HNRNPM: variants seen among roughly 807,000 people sequenced by gnomAD.
HNRNPM encodes CEA receptor.
HNRNPM carries 11 observed loss-of-function variants against 73.1 expected under a neutral mutation model. That is an observed-to-expected ratio of 0.15 (90% CI 0.09 to 0.25). The LOEUF is 0.25. Ranked by LOEUF, HNRNPM falls within the 10% of genes least tolerant of loss-of-function variation. HNRNPM has a pLI of 1.00. For missense variants in HNRNPM, 789 were observed against 1,067.9 expected (o/e 0.74, Z 3.64); for synonymous variants, 407 against 355.2 (o/e 1.15, Z -1.64).
At chr19:8,475,390 T>C (rs1178128072) in intron 12 of HNRNPM, among the ~76,000 whole-genome samples, 1 of 152,272 alleles carries the variant, frequency 6.6e-6, no homozygotes. Context: ...GGAAAGCTGC[T>C]GCTTTTTTAC....
chr19:8,455,694 C>A (rs1968956589), intron 2 of HNRNPM, 120 bp downstream of exon 2: 1 of 671,220 alleles, frequency 1.5e-6, no homozygotes, highest in Non-Finnish European at 2.5e-6. Context: ...TCTTTCCAGG[C>A]TTAAGAGTGA....
At chr19:8,487,588 G>T (rs1599865781) in intron 15 of HNRNPM, 2 of 157,692 alleles carry the variant, frequency 1.3e-5, no homozygotes, top group East Asian at 1.9e-4. Context: ...TCTGTCTGTG[G>T]CTGAAAGCAA....
chr19:8,470,561 C>CA (rs1970059902), intron 9 of HNRNPM, among the ~76,000 whole-genome samples: 1 of 152,128 alleles, frequency 6.6e-6, no homozygotes, highest in Admixed American at 6.5e-5. Flanking sequence ...CTCCTGACCT[C>CA]ACGTGATCCA....
rs764702594 is a variant in HNRNPM, at chr19:8,486,363, T to A, written c.1935T>A (p.Ala645=). The A allele has an allele frequency of 5.0e-6, 8 of 1,585,738 alleles. No individual in the cohort carries two copies. Among genetic ancestry groups the A allele is most frequent in the Non-Finnish European group, 6.0e-6 (7 of 1,172,720 alleles). ...CCTTTGGTGGAGCTGGAGGCCATGC[T>A]CCTGGGGTGGCCAGGAAGGCCTGCC... ...AGSFGGAGGH[A]PGVARKACQI... The change falls in exon 14 of 16, where the codon GCT becomes GCA. Residue 645 remains alanine (A), a synonymous_variant. Coordinates refer to ENST00000325495, the MANE Select transcript of HNRNPM (RefSeq NM_005968.5).
At chr19:8,448,866 C>G (rs1470986527) in intron 1 of HNRNPM, among the ~76,000 whole-genome samples, 9 of 152,060 alleles carry the variant, frequency 5.9e-5, no homozygotes, top group Middle Eastern at 3.4e-3. Flanking sequence ...AGGGTAGATT[C>G]CTGAGGAGGT....
At chr19:8,485,234 A>G (rs1971193251) in intron 13 of HNRNPM, among the ~76,000 whole-genome samples, 1 of 151,968 alleles carries the variant, frequency 6.6e-6, no homozygotes, top group African/African-American at 2.4e-5. Context: ...GGGGGTGTCC[A>G]TGCCTCCCCC....
intron 1 of HNRNPM, among the ~76,000 whole-genome samples, chr19:8,452,654 T>C (rs927659215): frequency 6.6e-5 from 10 of 152,220 alleles, no homozygotes; most frequent in African/African-American, 2.4e-4. Context: ...TGCCAGCCCG[T>C]GGGAAGGGAA....
chr19:8,455,483 T>C lies in HNRNPM; in HGVS notation c.192T>C (p.Tyr64=). ...GAGGAGGCAATCGCTTTGAGCCATA[T>C]GCCAATCCAACTAAAAGATACAGAG... ...IKRGGNRFEP[Y]ANPTKRYRAF... is the part of the protein sequence containing the mutation. The change falls in exon 2 of 16, where the codon TAT becomes TAC. Residue 64 remains tyrosine (Y), a synonymous_variant. Transcript: ENST00000325495. 1 of 1,613,950 alleles carries C rather than the reference T, an allele frequency of 6.2e-7. No homozygotes were observed. The highest frequency in any genetic ancestry group is 8.5e-7 in the Non-Finnish European group (1 of 1,179,828).
Position 8,463,651 on chromosome 19 carries a change from C to T in HNRNPM, c.403C>T (p.His135Tyr), listed in dbSNP as rs1273536324. ...MKKAAEVLNK[H>Y]SLSGRPLKVK... is the part of the protein sequence containing the mutation. ...AAAAGCTGCGGAAGTCCTAAACAAGCATAGTCTGAGCGGAAGACCACTGAA... is the reference window on the plus strand; with the variant it reads ...AAAAGCTGCGGAAGTCCTAAACAAGTATAGTCTGAGCGGAAGACCACTGAA... Residue 135 changes from histidine (H) to tyrosine (Y), a missense_variant, in exon 5 of 16, where the codon CAT (histidine) becomes TAT (tyrosine). Coordinates refer to ENST00000325495, the MANE Select transcript of HNRNPM (RefSeq NM_005968.5). 6.2e-7 allele frequency: 1 copy of T among 1,613,542 alleles called. No individual in the cohort carries two copies. The highest frequency in any genetic ancestry group is 8.5e-7 in the Non-Finnish European group (1 of 1,179,556).
At chr19:8,475,603 T>C (rs192778459) in intron 12 of HNRNPM, among the ~76,000 whole-genome samples, 1 of 152,292 alleles carries the variant, frequency 6.6e-6, no homozygotes, top group Admixed American at 6.5e-5. Flanking sequence ...TCTTCATGGG[T>C]GCCTTGTTCT....
chr19:8,452,626 C>T (rs1408984207), intron 1 of HNRNPM, among the ~76,000 whole-genome samples: 1 of 152,124 alleles, frequency 6.6e-6, no homozygotes, highest in African/African-American at 2.4e-5. Flanking sequence ...ATTGGAGCTG[C>T]CATAACATCA....
rs779025522 is a variant in HNRNPM at position 8,486,330 on chromosome 19, C to T, written c.1902C>T (p.Phe634=). 53 of 1,599,466 alleles carry T rather than the reference C, an allele frequency of 3.3e-5. No individual in the cohort carries two copies. In the Admixed American group the frequency reaches 3.5e-4, roughly 11 times the overall value. ...AGCGTGGCAACTTCGGAGGAAGCTT[C>T]GCAGGTTCCTTTGGTGGAGCTGGAG... ...EMERGNFGGS[F]AGSFGGAGGH... The change falls in exon 14 of 16, where the codon TTC becomes TTT. Residue 634 remains phenylalanine, a synonymous_variant. Transcript: ENST00000325495.
At chr19:8,465,618 T>A in intron 6 of HNRNPM, 103 bp downstream of exon 6, 1 of 834,764 alleles carries the variant, frequency 1.2e-6, no homozygotes, top group Non-Finnish European at 1.8e-6. Flanking sequence ...AAGAAAAATG[T>A]AAAGAAGGGT....
In HNRNPM at chr19:8,467,599, T is replaced by C; in HGVS notation, c.834+15T>C. ...ACGTCAAGATGGTAAGTCAGTAGGA[T>C]CTTTCTCTGTGATATACTCAAGTCT... On this transcript the variant is annotated intron_variant, in intron 8 of 15. Transcript: ENST00000325495. 1 of 1,589,378 alleles carries C rather than the reference T, an allele frequency of 6.3e-7. No individual in the cohort carries two copies. The highest frequency in any genetic ancestry group is 8.6e-7 in the Non-Finnish European group (1 of 1,157,364).
Position 8,466,069 on chromosome 19 carries a change from A to G in HNRNPM, c.631-166A>G, listed in dbSNP as rs1436535007. 9.9e-5 allele frequency among the ~76,000 whole-genome samples: 15 copies of G among 152,238 alleles called. 1 individual carries two copies. On this transcript the variant is annotated intron_variant, in intron 6 of 15. Coordinates refer to ENST00000325495, the MANE Select transcript of HNRNPM (RefSeq NM_005968.5). ...GTACAGTTTATTTACAGTGAAGGCC[A>G]GGCTTTATAATCCTATTTTAAAATT...
At position 8,462,680 on chromosome 19, in the gene HNRNPM, T is replaced by C; in HGVS notation, c.336+99T>C. The C allele has an allele frequency of 2.0e-6, 2 of 1,008,434 alleles. No homozygotes were observed. Among genetic ancestry groups the C allele is most frequent in the Non-Finnish European group, 3.2e-6 (2 of 629,284 alleles). 62.5% of individuals were successfully genotyped at this position (1,008,434 alleles called of 1,614,324 possible). On this transcript the variant is annotated intron_variant, in intron 3 of 15. Transcript: ENST00000325495. This position sits in a 1 kb window ranked among gnomAD's most constrained non-coding sequence, Gnocchi z 4.5. ...ATGAAATCAGGAAGGCAGTGAGTGC[T>C]CATGTTACAGTAGCTATGTTTGATT...
rs1342707741 is a variant in HNRNPM at position 8,465,421 on chromosome 19, T to C, written c.536T>C (p.Ile179Thr). ...CCAGGTGGCCCAGGAATGATTACTATCCCACCCAGTATCCTAAATAATCCC... is the reference window on the plus strand; with the variant it reads ...CCAGGTGGCCCAGGAATGATTACTACCCCACCCAGTATCCTAAATAATCCC... The part of the protein sequence containing the change: ...MGPGGPGMIT[I>T]PPSILNNPNI... Residue 179 changes from isoleucine to threonine, a missense_variant, in exon 6 of 16, where the codon ATC (isoleucine) becomes ACC (threonine). Physicochemically the swap from Ile to Thr is moderately conservative, Grantham distance 89. Coordinates refer to ENST00000325495, the MANE Select transcript of HNRNPM (RefSeq NM_005968.5). 1 of 1,613,798 alleles carries C rather than the reference T, an allele frequency of 6.2e-7. No individual in the cohort carries two copies. Among genetic ancestry groups the C allele is most frequent in the East Asian group, 2.2e-5 (1 of 44,870 alleles).
chr19:8,445,474 G>A (rs1406023732), intron 1 of HNRNPM: 1 of 192,376 alleles, frequency 5.2e-6, no homozygotes, highest in Non-Finnish European at 1.1e-5. Context: ...TCGGGGGCCG[G>A]GTTTCAGCCC....
In HNRNPM at chr19:8,479,521, C is replaced by T. The variant is rs141559226; in HGVS notation, c.1121-3637C>T. 5.7e-3 allele frequency among the ~76,000 whole-genome samples: 869 copies of T among 152,168 alleles called. 12 individuals are homozygous for T. Among genetic ancestry groups the T allele is most frequent in the African/African-American group, 0.02 (829 of 41,514 alleles). ...TCTCCCTGTCATCTGGGCTGGAGTACAGTGGGTATGATCTCACTGTAGCAG... is the reference window on the plus strand; with the variant it reads ...TCTCCCTGTCATCTGGGCTGGAGTATAGTGGGTATGATCTCACTGTAGCAG... On this transcript the variant is annotated intron_variant, in intron 12 of 15. Transcript: ENST00000325495.
Sources: gnomAD v4.1 joint callset for allele counts (sites outside exome capture counted in the v4.1 genomes callset) on GRCh38, gnomAD v4.1.1 for gene constraint, Gnocchi (gnomAD v3.1) non-coding constraint, MANE v1.5 for transcripts, NCBI Gene and HGNC (gene_info 2026-07-23, HGNC 2026-07-21) for gene names.